Variants in PRDM6 observed in about 807,000 individuals in gnomAD.
The protein encoded by PRDM6 is PR/SET domain 6.
A neutral mutation model predicts 60.8 loss-of-function variants in PRDM6; 25 were observed. The observed-to-expected ratio is 0.41, with a 90% CI of 0.30 to 0.57. The LOEUF is 0.57. Ranked by LOEUF, PRDM6 falls within the 20% of genes least tolerant of loss-of-function variation. PRDM6 has a pLI of 0.27. For synonymous variants in PRDM6, 407 were observed against 357.4 expected (o/e 1.14, Z -1.57); for missense variants, 839 against 821.3 (o/e 1.02, Z -0.26).
chr5:123,136,385 G>A (rs1309171181), intron 3 of PRDM6, among the ~76,000 whole-genome samples: 2 of 152,048 alleles, frequency 1.3e-5, no homozygotes, highest in African/African-American at 2.4e-5. Flanking sequence ...GATATGGGAC[G>A]TTATTCACCG....
rs1486216265 is a variant in PRDM6 at position 123,193,909 on chromosome 5, AT to A, written c.*6709del. 2 of 152,204 alleles carry A rather than the reference AT, an allele frequency of 1.3e-5. No homozygotes were observed. Among genetic ancestry groups the A allele is most frequent in the African/African-American group, 2.4e-5 (1 of 41,438 alleles). The allele number at this position is 152,204 out of a possible 1,614,324, so 9.4% of individuals were successfully genotyped here. ...GGTTAGAGTGAATGCCCAGTTTCAC[AT>A]CTGCCTTTTGGAGTTTGGAAAGCTT... On this transcript the variant is annotated 3_prime_UTR_variant, in exon 8 of 8. Coordinates refer to ENST00000407847, the MANE Select transcript of PRDM6 (RefSeq NM_001136239.4).
intron 2 of PRDM6, among the ~76,000 whole-genome samples, chr5:123,096,393 G>A (rs1763960150): frequency 6.6e-6 from 1 of 152,028 alleles, no homozygotes; most frequent in Non-Finnish European, 1.5e-5. Flanking sequence ...TAGAATGTTT[G>A]TCTTCTTAAG....
intron 6 of PRDM6, among the ~76,000 whole-genome samples, chr5:123,172,399 C>A (rs1765912560): frequency 6.6e-6 from 1 of 152,168 alleles, no homozygotes; most frequent in Admixed American, 6.5e-5. Flanking sequence ...GCTATGTCTT[C>A]ACAATCTTTA....
At chr5:123,145,008 A>G (rs548936165) in intron 3 of PRDM6, among the ~76,000 whole-genome samples, 4 of 152,352 alleles carry the variant, frequency 2.6e-5, no homozygotes, top group African/African-American at 7.2e-5. Flanking sequence ...ACAAGGCACT[A>G]TATGCCAAGC....
chr5:123,094,749 AT>A (rs1452091327), intron 2 of PRDM6, among the ~76,000 whole-genome samples: 19 of 152,104 alleles, frequency 1.2e-4, no homozygotes, highest in Non-Finnish European at 2.6e-4. Flanking sequence ...CGCGGCTCCT[AT>A]TCATCATCTC....
chr5:123,169,988 T>C (rs186884946), intron 5 of PRDM6, among the ~76,000 whole-genome samples: 1 of 152,288 alleles, frequency 6.6e-6, no homozygotes, highest in African/African-American at 2.4e-5. Flanking sequence ...AAATCAGGTC[T>C]CTCTCAAGCC....
At position 123,116,111 on chromosome 5, in the gene PRDM6, G is replaced by C. The variant is rs534112188; in HGVS notation, c.900+16150G>C. 7.2e-5 allele frequency among the ~76,000 whole-genome samples: 11 copies of C among 152,294 alleles called. No individual in the cohort carries two copies. The South Asian group carries it at 2.3e-3, about 32-fold the overall frequency. On this transcript the variant is annotated intron_variant, in intron 3 of 7. Transcript: ENST00000407847. ...GCTCCGTGCTGCCTGGTGTGAGTGA[G>C]ATAGGGAAGCTGTGGATCCCGGAGG...
intron 2 of PRDM6, among the ~76,000 whole-genome samples, chr5:123,091,054 A>C (rs968309364): frequency 1.3e-5 from 2 of 152,022 alleles, no homozygotes; most frequent in African/African-American, 4.8e-5. Context: ...CACGCAGACC[A>C]GGGCTTGTTT....
At chr5:123,163,914 T>A (rs1049795278) in intron 5 of PRDM6, among the ~76,000 whole-genome samples, 2 of 152,130 alleles carry the variant, frequency 1.3e-5, no homozygotes, top group Non-Finnish European at 2.9e-5. Flanking sequence ...TGCCTTTTTC[T>A]TTTGATTTTA....
At chr5:123,165,537 C>A (rs889089209) in intron 5 of PRDM6, among the ~76,000 whole-genome samples, 2 of 152,200 alleles carry the variant, frequency 1.3e-5, no homozygotes, top group African/African-American at 4.8e-5. Flanking sequence ...GAAGTTTCAA[C>A]CACTTGCTTA....
At chr5:123,141,884 T>G (rs1765111228) in intron 3 of PRDM6, among the ~76,000 whole-genome samples, 1 of 152,178 alleles carries the variant, frequency 6.6e-6, no homozygotes, top group African/African-American at 2.4e-5. Context: ...TACAAATGAC[T>G]TAAGTGTTTT....
rs1386653388 is a variant in PRDM6 at position 123,192,032 on chromosome 5, C to T, written c.*4831C>T. 2.0e-5 allele frequency: 3 copies of T among 152,166 alleles called. No homozygotes were observed. Among genetic ancestry groups the T allele is most frequent in the Non-Finnish European group, 4.4e-5 (3 of 68,022 alleles). The allele number at this position is 152,166 out of a possible 1,614,324, so 9.4% of individuals were successfully genotyped here. A position where few individuals can be genotyped will look rare whatever the true frequency, so the allele number is the denominator to read the frequency against. ...AAATATGTCGGAAACAGGTCAAAGT[C>T]ATGAAACATTTGAATTGTCTTTCCT... On this transcript the variant is annotated 3_prime_UTR_variant, in exon 8 of 8. Coordinates refer to ENST00000407847, the MANE Select transcript of PRDM6 (RefSeq NM_001136239.4).
intron 6 of PRDM6, among the ~76,000 whole-genome samples, chr5:123,173,131 C>G (rs1202744071): frequency 6.7e-6 from 1 of 149,974 alleles, no homozygotes; most frequent in Non-Finnish European, 1.5e-5. Flanking sequence ...GCAGAGCTTG[C>G]AGTGAGCCGA....
At chr5:123,113,382 A>T (rs948969362) in intron 3 of PRDM6, among the ~76,000 whole-genome samples, 2 of 152,226 alleles carry the variant, frequency 1.3e-5, no homozygotes, top group Non-Finnish European at 1.5e-5. Context: ...GAGCTAACAT[A>T]CTTAAGCTGA....
chr5:123,095,705 T>A (rs910070446), intron 2 of PRDM6, among the ~76,000 whole-genome samples: 1 of 152,212 alleles, frequency 6.6e-6, no homozygotes, highest in Non-Finnish European at 1.5e-5. Context: ...ACCTACTCCT[T>A]GCTTTCCTAT....
chr5:123,176,284 C>CAA (rs59717543), intron 6 of PRDM6, among the ~76,000 whole-genome samples: 5 of 139,444 alleles, frequency 3.6e-5, no homozygotes, highest in East Asian at 2.2e-4. Flanking sequence ...AAAAAAAAAA[C>CAA]AAAAAAAAAA....
chr5:123,171,805 C>G (rs554210506), intron 6 of PRDM6, among the ~76,000 whole-genome samples: 75 of 152,230 alleles, frequency 4.9e-4, no homozygotes, highest in African/African-American at 1.7e-3. Flanking sequence ...TTCAGGTACT[C>G]TGATGAGTGG....
At chr5:123,098,996 C>G (rs561774187) in intron 2 of PRDM6, among the ~76,000 whole-genome samples, 2 of 151,250 alleles carry the variant, frequency 1.3e-5, no homozygotes, top group South Asian at 2.1e-4. Context: ...GGGAGGCAGT[C>G]GAGGAAGCCT....
intron 7 of PRDM6, among the ~76,000 whole-genome samples, chr5:123,183,036 A>G (rs891335935): frequency 1.3e-5 from 2 of 152,370 alleles, no homozygotes; most frequent in Admixed American, 6.5e-5. Context: ...TGTAAATATT[A>G]TGAAGATATC....
Sources: gnomAD v4.1 joint callset for allele counts (sites outside exome capture counted in the v4.1 genomes callset) on GRCh38, gnomAD v4.1.1 for gene constraint, MANE v1.5 for transcripts, NCBI Gene and HGNC (gene_info 2026-07-23, HGNC 2026-07-21) for gene names.